Variants in OGFR observed in about 807,000 individuals in gnomAD.
OGFR encodes opioid growth factor receptor.
OGFR carries 18 observed loss-of-function variants against 33.6 expected under a neutral mutation model. The ratio of observed to expected loss-of-function variants is 0.54; its 90% CI spans 0.37 to 0.80. OGFR has a LOEUF of 0.80. Ranked by LOEUF, OGFR falls within the 30% of genes least tolerant of loss-of-function variation. OGFR has a pLI of 0.00. For synonymous variants in OGFR, 370 were observed against 400.7 expected (o/e 0.92, Z 0.91); for missense variants, 877 against 955.8 (o/e 0.92, Z 1.09).
intron 4 of OGFR, 130 bp from the exon 5 acceptor site, chr20:62,810,369 C>G: frequency 2.5e-6 from 2 of 810,530 alleles, no homozygotes; most frequent in South Asian, 3.0e-5. Flanking sequence ...TCCACCTAGC[C>G]ACTCCCTCCT....
At chr20:62,807,784 T>G (rs1479156471) in intron 2 of OGFR, 179 bp downstream of exon 2, 2 of 644,996 alleles carry the variant, frequency 3.1e-6, no homozygotes. Flanking sequence ...CCTTCCCCTC[T>G]CGCGGGAGAC....
chr20:62,811,396 AC>A, intron 5 of OGFR, 65 bp from the exon 6 acceptor site: 1 of 1,572,296 alleles, frequency 6.4e-7, no homozygotes, highest in Non-Finnish European at 8.7e-7. Context: ...ACCCACGGCC[AC>A]CCCCACACTC....
At chr20:62,811,661 AC>A in intron 6 of OGFR, 51 bp downstream of exon 6, 1 of 1,249,620 alleles carries the variant, frequency 8.0e-7, no homozygotes. Context: ...GAACAGGGCC[AC>A]GTCAGGTTTC....
intron 3 of OGFR, among the ~76,000 whole-genome samples, chr20:62,808,558 T>C (rs1264145160): frequency 6.6e-6 from 1 of 152,184 alleles, no homozygotes; most frequent in Admixed American, 6.5e-5. Context: ...AGACTGAATA[T>C]CTGCAGCTTT....
rs188245628 is a variant in OGFR at position 62,807,478 on chromosome 20, G to A, written c.172-59G>A. On this transcript the variant is annotated intron_variant, in intron 1 of 6. Transcript: ENST00000290291. The stretch of plus-strand genomic sequence containing the variant: ...GCCCAGGCCCTGCAGCCCTCACCAC[G>A]TTGGGACTCACTTGGGGGTCTCCCA... The A allele has an allele frequency of 7.9e-6, 12 of 1,510,056 alleles. No homozygotes were observed. The African/African-American group carries it at 8.3e-5, about 10-fold the overall frequency. The allele number at this position is 1,510,056 out of a possible 1,614,324, so 93.5% of individuals were successfully genotyped here.
rs899163990 is a variant in OGFR, at chr20:62,811,570, C to T, written c.574C>T (p.Arg192Ter). 8 of 1,602,610 alleles carry T rather than the reference C, an allele frequency of 5.0e-6. No individual in the cohort carries two copies. The highest frequency in any genetic ancestry group is 2.3e-5 in the East Asian group (1 of 44,320). Residue 192 changes from arginine (R) to a stop codon, truncating the protein, a stop_gained, in exon 6 of 7, where the codon CGA becomes TGA. Transcript: ENST00000290291. LOFTEE classifies it low-confidence loss of function (END_TRUNC). ...LEDRGTGTVGRAQNYQKRFQN... is the reference protein window; with the variant it reads ...LEDRGTGTVG ...GGACCGAGGCACGGGCACGGTGGGC[C>T]GAGCACAGAACTACCAGAAGCGCTT... is the stretch of plus-strand genomic sequence containing the variant.
chr20:62,813,862 G>C lies in OGFR; in HGVS notation c.*213G>C. 3.3e-6 allele frequency: 2 copies of C among 609,948 alleles called. No individual in the cohort carries two copies. The highest frequency in any genetic ancestry group is 5.8e-6 in the Non-Finnish European group (2 of 347,126). 37.8% of individuals were successfully genotyped at this position (609,948 alleles called of 1,614,324 possible). A position where few individuals can be genotyped will look rare whatever the true frequency, so the allele number is the denominator to read the frequency against. On this transcript the variant is annotated 3_prime_UTR_variant, in exon 7 of 7. Coordinates refer to ENST00000290291, the MANE Select transcript of OGFR (RefSeq NM_007346.4). Reference sequence around the variant, plus strand: ...CCTGCAGAAGCCTCCTGGCCTGGCTGTGTCTTCCCCACCCAGCTCTCCCCT... The same window carrying C: ...CCTGCAGAAGCCTCCTGGCCTGGCTCTGTCTTCCCCACCCAGCTCTCCCCT...
Position 62,811,626 on chromosome 20 carries a change from T to TGGGGCCCCCCCCCCCC in OGFR, c.614+16_614+17insGGGGCCCCCCCCCCCC. Reference sequence around the variant, plus strand: ...ACCTGAACTGGTGAGGCCCGGCTGCTCCCGCCCACCCCCACCCCGGCGCAG... The same window carrying TGGGGCCCCCCCCCCCC: ...ACCTGAACTGGTGAGGCCCGGCTGCTGGGGCCCCCCCCCCCCCCCGCCCACCCCCACCCCGGCGCAG... On this transcript the variant is annotated intron_variant, in intron 6 of 6. Coordinates refer to ENST00000290291, the MANE Select transcript of OGFR (RefSeq NM_007346.4). The TGGGGCCCCCCCCCCCC allele has an allele frequency of 2.0e-6, 3 of 1,502,528 alleles. No homozygotes were observed. Among genetic ancestry groups the TGGGGCCCCCCCCCCCC allele is most frequent in the African/African-American group, 1.4e-5 (1 of 71,438 alleles). The allele number at this position is 1,502,528 out of a possible 1,614,324, so 93.1% of individuals were successfully genotyped here.
At chr20:62,805,196 G>T (rs371622702) in intron 1 of OGFR, among the ~76,000 whole-genome samples, 166 bp downstream of exon 1, 3,207 of 151,656 alleles carry the variant, frequency 0.021, 112 homozygotes, top group African/African-American at 0.071. Context: ...CCCAGGGCCC[G>T]GCGGGGAAGT....
At position 62,804,986 on chromosome 20, in the gene OGFR, G is replaced by T. The variant is rs1434131760; in HGVS notation, c.127G>T (p.Glu43Ter). ...GGACGCGGACGCAGGGGACGAGGAC[G>T]AGGAGTCGGAGGAGCCGCGGGCGGC... ...ARDADAGDED[E>*]ESEEPRAARP... The change falls in exon 1 of 7, where the codon GAG becomes TAG. Residue 43 changes from glutamate (E) to a stop codon, truncating the protein, a stop_gained. Transcript: ENST00000290291. LOFTEE classifies it high-confidence loss of function. 2.7e-6 allele frequency: 4 copies of T among 1,475,494 alleles called. No homozygotes were observed. The highest frequency in any genetic ancestry group is 3.6e-6 in the Non-Finnish European group (4 of 1,115,668). 91.4% of individuals were successfully genotyped at this position (1,475,494 alleles called of 1,614,324 possible).
chr20:62,810,122 TG>T (rs1274112521), intron 4 of OGFR, among the ~76,000 whole-genome samples: 2 of 152,212 alleles, frequency 1.3e-5, no homozygotes, highest in African/African-American at 4.8e-5. Context: ...GACAGCTCGC[TG>T]GGCGTCCACA....
chr20:62,810,476 C>A (rs772858293), intron 4 of OGFR, 23 bp from the exon 5 acceptor site: 1 of 1,612,448 alleles, frequency 6.2e-7, no homozygotes, highest in Admixed American at 1.7e-5. Flanking sequence ...TAATCCCTTG[C>A]CTGAGCATCT....
At chr20:62,809,808 A>G in intron 4 of OGFR, 145 bp downstream of exon 4, 2 of 697,574 alleles carry the variant, frequency 2.9e-6, no homozygotes, top group Non-Finnish European at 2.6e-6. Context: ...CATTACACGG[A>G]TGGACATTAC....
chr20:62,807,238 C>A, intron 1 of OGFR: 1 of 474,258 alleles, frequency 2.1e-6, no homozygotes. Flanking sequence ...AGGGGCCACC[C>A]TAAGGTGGAA....
In OGFR at chr20:62,811,625, C is replaced by CGGGCG; in HGVS notation, c.614+15_614+16insGGGCG. 3.2e-6 allele frequency: 5 copies of CGGGCG among 1,548,428 alleles called. No individual in the cohort carries two copies. The highest frequency in any genetic ancestry group is 4.4e-6 in the Non-Finnish European group (5 of 1,145,086). ...AACCTGAACTGGTGAGGCCCGGCTGCTCCCGCCCACCCCCACCCCGGCGCA... is the reference window on the plus strand; with the variant it reads ...AACCTGAACTGGTGAGGCCCGGCTGCGGGCGTCCCGCCCACCCCCACCCCGGCGCA... On this transcript the variant is annotated intron_variant, in intron 6 of 6. Coordinates refer to ENST00000290291, the MANE Select transcript of OGFR (RefSeq NM_007346.4).
intron 5 of OGFR, 30 bp from the exon 6 acceptor site, chr20:62,811,432 G>A (rs1390123858): frequency 1.2e-6 from 2 of 1,606,594 alleles, no homozygotes; most frequent in East Asian, 4.5e-5. Flanking sequence ...CAGGGATGGT[G>A]CCTGAGCTCT....
At chr20:62,811,131 G>A (rs951730301) in intron 5 of OGFR, among the ~76,000 whole-genome samples, 1 of 152,226 alleles carries the variant, frequency 6.6e-6, no homozygotes, top group Non-Finnish European at 1.5e-5. Flanking sequence ...AGAGGCTGAG[G>A]CGGGTGGATC....
Position 62,811,624 on chromosome 20 carries a change from G to GCGGGGGGGCC in OGFR, c.614+15_614+16insGGGGGGGCCC. On this transcript the variant is annotated intron_variant, in intron 6 of 6. Coordinates refer to ENST00000290291, the MANE Select transcript of OGFR (RefSeq NM_007346.4). ...GAACCTGAACTGGTGAGGCCCGGCT[G>GCGGGGGGGCC]CTCCCGCCCACCCCCACCCCGGCGC... The GCGGGGGGGCC allele has an allele frequency of 6.4e-7, 1 of 1,551,488 alleles. No homozygotes were observed.
intron 6 of OGFR, 72 bp from the exon 7 acceptor site, chr20:62,812,157 CA>C: frequency 7.5e-7 from 1 of 1,336,498 alleles, no homozygotes; most frequent in Non-Finnish European, 1.0e-6. Flanking sequence ...GGTGGGAGGG[CA>C]GGCCAGGGCG....
Sources: gnomAD v4.1 joint callset for allele counts (sites outside exome capture counted in the v4.1 genomes callset) on GRCh38, gnomAD v4.1.1 for gene constraint, MANE v1.5 for transcripts, NCBI Gene and HGNC (gene_info 2026-07-23, HGNC 2026-07-21) for gene names.